The following GCGR variants were observed in gnomAD, a reference collection of about 807,000 sequenced individuals.
The protein encoded by GCGR is glucagon receptor.
A neutral mutation model predicts 56.1 loss-of-function variants in GCGR; 41 were observed. That is an observed-to-expected ratio of 0.73 (90% confidence interval 0.57 to 0.95). GCGR has a LOEUF of 0.95. Ranked by LOEUF, GCGR falls within the 40% of genes least tolerant of loss-of-function variation. The pLI is 0.00. For synonymous variants in GCGR, 278 were observed against 271.1 expected (o/e 1.03, Z -0.25); for missense variants, 595 against 638.2 (o/e 0.93, Z 0.73).
At position 81,811,378 on chromosome 17, in the gene GCGR, C is replaced by T. The variant is rs771972617; in HGVS notation, c.501-26C>T. ...CGGCCGCAGAGGACAGGGAGGAGGA[C>T]GGGCGCTGACTGGCTGTGCCCACAG... On this transcript the variant is annotated intron_variant, in intron 6 of 13. Coordinates refer to ENST00000400723, the MANE Select transcript of GCGR (RefSeq NM_000160.5). The surrounding 1 kb of genome is among the most constrained non-coding windows in gnomAD (Gnocchi z 5.8). 2.8e-5 allele frequency: 43 copies of T among 1,535,726 alleles called. No individual in the cohort carries two copies. Among genetic ancestry groups the T allele is most frequent in the South Asian group, 1.1e-4 (9 of 84,054 alleles).
intron 1 of GCGR, among the ~76,000 whole-genome samples, chr17:81,805,954 G>C (rs994120067): frequency 7.2e-5 from 11 of 152,216 alleles, no homozygotes; most frequent in Non-Finnish European, 1.5e-4. Flanking sequence ...GGGGGTGTCA[G>C]TGTCTCCTCT....
At position 81,810,288 on chromosome 17, in the gene GCGR, G is replaced by T; in HGVS notation, c.163+404G>T. On this transcript the variant is annotated intron_variant, in intron 3 of 13. Coordinates refer to ENST00000400723, the MANE Select transcript of GCGR (RefSeq NM_000160.5). This position sits in a 1 kb window ranked among gnomAD's most constrained non-coding sequence, Gnocchi z 4.6. ...CATGGCCTGGACACTTGGGGTGCAG[G>T]GAGAGGATAGGGCTGGAGGACTCAC... The T allele has an allele frequency of 2.8e-6, 1 of 353,418 alleles. No individual in the cohort carries two copies. The allele number at this position is 353,418 out of a possible 1,614,324, so 21.9% of individuals were successfully genotyped here.
chr17:81,812,047 G>A lies in GCGR; in HGVS notation c.878+101G>A, dbSNP rs1372912692. The A allele has an allele frequency of 5.3e-6, 8 of 1,511,290 alleles. No homozygotes were observed. The highest frequency in any genetic ancestry group is 7.1e-6 in the Non-Finnish European group (8 of 1,125,118). The allele number at this position is 1,511,290 out of a possible 1,614,324, so 93.6% of individuals were successfully genotyped here. Reference sequence around the variant, plus strand: ...GGGCCGGGGATGAGCCTGGTGCCTGGGGAGGGGGTCATTTGTGACCTTCTC... The same window carrying A: ...GGGCCGGGGATGAGCCTGGTGCCTGAGGAGGGGGTCATTTGTGACCTTCTC... On this transcript the variant is annotated intron_variant, in intron 9 of 13. Coordinates refer to ENST00000400723, the MANE Select transcript of GCGR (RefSeq NM_000160.5). The surrounding 1 kb of genome is among the most constrained non-coding windows in gnomAD (Gnocchi z 8.5).
Position 81,813,669 on chromosome 17 carries a change from TTGGC to T in GCGR, c.1417_1420del (p.Ala473ArgfsTer12). ...CCCCTTGGCTGGTGGCCTCCCTAGA[TTGGC>T]TGAGAGCCCCTTCTGAACCCTGCTG... On this transcript the variant is annotated frameshift_variant, in exon 14 of 14. Transcript: ENST00000400723. LOFTEE classifies it high-confidence loss of function. The surrounding 1 kb of genome is among the most constrained non-coding windows in gnomAD (Gnocchi z 5.3). The T allele has an allele frequency of 5.2e-6, 8 of 1,535,412 alleles. No homozygotes were observed. Among genetic ancestry groups the T allele is most frequent in the Non-Finnish European group, 7.0e-6 (8 of 1,146,718 alleles).
At position 81,810,653 on chromosome 17, in the gene GCGR, AG is replaced by A. The variant is rs905591371; in HGVS notation, c.164-170del. Among the ~76,000 whole-genome samples, 1 of 150,196 alleles carries A rather than the reference AG, an allele frequency of 6.7e-6. No homozygotes were observed. The highest frequency in any genetic ancestry group is 2.5e-5 in the African/African-American group (1 of 40,564). On this transcript the variant is annotated intron_variant, in intron 3 of 13. Transcript: ENST00000400723. This position sits in a 1 kb window ranked among gnomAD's most constrained non-coding sequence, Gnocchi z 4.6. ...GTGGATGGTCAGGTGAGGAAGGTGG[AG>A]GTCAGATGGGGGAGGTGGAGGTCAA...
At chr17:81,807,471 C>T (rs1161030317) in intron 1 of GCGR, among the ~76,000 whole-genome samples, 4 of 152,352 alleles carry the variant, frequency 2.6e-5, no homozygotes, top group Non-Finnish European at 1.5e-5. Flanking sequence ...CTCACCCAGC[C>T]GCTACCTGGA....
At position 81,806,575 on chromosome 17, in the gene GCGR, GC is replaced by G. The variant is rs1238585211; in HGVS notation, c.-177-2264del. Among the ~76,000 whole-genome samples, 1 of 152,182 alleles carries G rather than the reference GC, an allele frequency of 6.6e-6. No homozygotes were observed. The highest frequency in any genetic ancestry group is 1.5e-5 in the Non-Finnish European group (1 of 68,022). On this transcript the variant is annotated intron_variant, in intron 1 of 13. Coordinates refer to ENST00000400723, the MANE Select transcript of GCGR (RefSeq NM_000160.5). This position sits in a 1 kb window ranked among gnomAD's most constrained non-coding sequence, Gnocchi z 6.5. ...ACTGGCTGCCCGGCTGGAAGGTGGGGCCCTGGCACGCGAGGACCTCATGTGT... is the reference window on the plus strand; with the variant it reads ...ACTGGCTGCCCGGCTGGAAGGTGGGGCCTGGCACGCGAGGACCTCATGTGT...
chr17:81,813,726 A>T lies in GCGR; in HGVS notation c.*37A>T. 6.6e-7 allele frequency: 1 copy of T among 1,521,532 alleles called. No homozygotes were observed. The highest frequency in any genetic ancestry group is 1.2e-5 in the South Asian group (1 of 83,694). 94.3% of individuals were successfully genotyped at this position (1,521,532 alleles called of 1,614,324 possible). A position where few individuals can be genotyped will look rare whatever the true frequency, so the allele number is the denominator to read the frequency against. ...ACCCCAGCTAGGGCTGGACTCTGGC[A>T]CCCAGAGGGCGTCGCTGGACAACCC... is the stretch of plus-strand genomic sequence containing the variant. On this transcript the variant is annotated 3_prime_UTR_variant, in exon 14 of 14. Transcript: ENST00000400723. This position sits in a 1 kb window ranked among gnomAD's most constrained non-coding sequence, Gnocchi z 5.3.
rs2143141378 is a variant in GCGR at position 81,812,443 on chromosome 17, G to A, written c.949-134G>A. 1.3e-5 allele frequency: 14 copies of A among 1,061,048 alleles called. No homozygotes were observed. The highest frequency in any genetic ancestry group is 3.2e-5 in the African/African-American group (2 of 63,248). 65.7% of individuals were successfully genotyped at this position (1,061,048 alleles called of 1,614,324 possible). On this transcript the variant is annotated intron_variant, in intron 10 of 13. Transcript: ENST00000400723. The surrounding 1 kb of genome is among the most constrained non-coding windows in gnomAD (Gnocchi z 8.5). Reference sequence around the variant, plus strand: ...TTCCTCCCTGGCTGTGTGCCCACCAGCCCCAGGGCTATGTGGCCCAGGGCC... The same window carrying A: ...TTCCTCCCTGGCTGTGTGCCCACCAACCCCAGGGCTATGTGGCCCAGGGCC...
Position 81,810,026 on chromosome 17 carries a change from C to T in GCGR, c.163+142C>T, listed in dbSNP as rs151045413. The T allele has an allele frequency of 4.9e-4, 351 of 717,824 alleles. 1 individual carries two copies. Among genetic ancestry groups the T allele is most frequent in the Middle Eastern group, 2.0e-3 (7 of 3,494 alleles). 44.5% of individuals were successfully genotyped at this position (717,824 alleles called of 1,614,324 possible). A position where few individuals can be genotyped will look rare whatever the true frequency, so the allele number is the denominator to read the frequency against. On this transcript the variant is annotated intron_variant, in intron 3 of 13. Coordinates refer to ENST00000400723, the MANE Select transcript of GCGR (RefSeq NM_000160.5). This position sits in a 1 kb window ranked among gnomAD's most constrained non-coding sequence, Gnocchi z 4.6. ...CTGTCATTCCTCAGGCCCCCACCACCGTGGGCAGGTGAGGTAACGAGGTAA... is the reference window on the plus strand; with the variant it reads ...CTGTCATTCCTCAGGCCCCCACCACTGTGGGCAGGTGAGGTAACGAGGTAA...
Position 81,810,783 on chromosome 17 carries a change from C to CCTGCCCTGCCCTGCT in GCGR, c.164-29_164-15dup. On this transcript the variant is annotated intron_variant, in intron 3 of 13. Transcript: ENST00000400723. The surrounding 1 kb of genome is among the most constrained non-coding windows in gnomAD (Gnocchi z 4.6). ...CTGCTGAGGGAGCCCCTTCTCCCAC[C>CCTGCCCTGCCCTGCT]CTGCCCTGCCCTGCTCTGCCCTGCC... 6.6e-7 allele frequency: 1 copy of CCTGCCCTGCCCTGCT among 1,514,012 alleles called. No homozygotes were observed. The highest frequency in any genetic ancestry group is 8.9e-7 in the Non-Finnish European group (1 of 1,126,432). The allele number at this position is 1,514,012 out of a possible 1,614,324, so 93.8% of individuals were successfully genotyped here. A position where few individuals can be genotyped will look rare whatever the true frequency, so the allele number is the denominator to read the frequency against.
Position 81,813,598 on chromosome 17 carries a change from T to C in GCGR, c.1343T>C (p.Leu448Pro), listed in dbSNP as rs760905204. ...SPGHGPPSKE[L>P]QFGRGGGSQD... ...GGCCACGGCCCTCCCAGCAAGGAGC[T>C]GCAGTTTGGGAGGGGTGGTGGCAGC... The change falls in exon 14 of 14, where the codon CTG becomes CCG. Residue 448 changes from leucine (L) to proline (P), a missense_variant. By Grantham distance (98) the Leu-to-Pro change is moderately conservative. Transcript: ENST00000400723. The surrounding 1 kb of genome is among the most constrained non-coding windows in gnomAD (Gnocchi z 5.3). 1.4e-5 allele frequency: 21 copies of C among 1,536,464 alleles called. No homozygotes were observed. Among genetic ancestry groups the C allele is most frequent in the Non-Finnish European group, 1.6e-5 (18 of 1,146,850 alleles).
At position 81,812,374 on chromosome 17, in the gene GCGR, G is replaced by A. The variant is rs1003930040; in HGVS notation, c.948+122G>A. 2.6e-6 allele frequency: 3 copies of A among 1,164,660 alleles called. No homozygotes were observed. The highest frequency in any genetic ancestry group is 4.2e-5 in the Admixed American group (2 of 47,926). 72.1% of individuals were successfully genotyped at this position (1,164,660 alleles called of 1,614,324 possible). A position where few individuals can be genotyped will look rare whatever the true frequency, so the allele number is the denominator to read the frequency against. On this transcript the variant is annotated intron_variant, in intron 10 of 13. Coordinates refer to ENST00000400723, the MANE Select transcript of GCGR (RefSeq NM_000160.5). The surrounding 1 kb of genome is among the most constrained non-coding windows in gnomAD (Gnocchi z 8.5). ...TGGGAGGGAGCCGGCACCCAGACAGGACACCAGGACACTGGCCAGCACCCT... is the reference window on the plus strand; with the variant it reads ...TGGGAGGGAGCCGGCACCCAGACAGAACACCAGGACACTGGCCAGCACCCT...
chr17:81,811,322 G>T lies in GCGR; in HGVS notation c.494G>T (p.Gly165Val). ...CTCCTCGCCTTGGCCATCCTGGGGG[G>T]CCTCAGGTAGGATTCCGCCAGCGCC... is the stretch of plus-strand genomic sequence containing the variant. ...ALLLALAILGGLSKLHCTRNA... is the reference protein window; with the variant it reads ...ALLLALAILGVLSKLHCTRNA... The change falls in exon 6 of 14, where the codon GGC (glycine) becomes GTC (valine). Residue 165 changes from glycine (G) to valine (V), a missense_variant. By Grantham distance (109) the Gly-to-Val change is moderately radical (BLOSUM62 -3). Coordinates refer to ENST00000400723, the MANE Select transcript of GCGR (RefSeq NM_000160.5). The surrounding 1 kb of genome is among the most constrained non-coding windows in gnomAD (Gnocchi z 5.8). 1.3e-6 allele frequency: 2 copies of T among 1,535,086 alleles called. No individual in the cohort carries two copies. The highest frequency in any genetic ancestry group is 1.7e-6 in the Non-Finnish European group (2 of 1,145,944).
chr17:81,806,457 A>ACCC lies in GCGR; in HGVS notation c.-178+2209_-178+2210insCCC, dbSNP rs1431327452. ...CCAACCTTCTGTTGAGGCTGAGGGG[A>ACCC]CACAGAGCCCCACTCCTGGGTCCTG... is the stretch of plus-strand genomic sequence containing the variant. On this transcript the variant is annotated intron_variant, in intron 1 of 13. Coordinates refer to ENST00000400723, the MANE Select transcript of GCGR (RefSeq NM_000160.5). The surrounding 1 kb of genome is among the most constrained non-coding windows in gnomAD (Gnocchi z 6.5). Among the ~76,000 whole-genome samples the ACCC allele has an allele frequency of 2.6e-5, 4 of 152,072 alleles. No homozygotes were observed. Among genetic ancestry groups the ACCC allele is most frequent in the African/African-American group, 9.7e-5 (4 of 41,416 alleles).
chr17:81,809,647 C>T, intron 2 of GCGR, 135 bp from the exon 3 acceptor site: 1 of 689,352 alleles, frequency 1.5e-6, no homozygotes, highest in Non-Finnish European at 2.5e-6. Flanking sequence ...GTCTGTCTGC[C>T]TGTCTGCCTG....
At position 81,806,906 on chromosome 17, in the gene GCGR, C is replaced by G. The variant is rs532655623; in HGVS notation, c.-177-1936C>G. Among the ~76,000 whole-genome samples the G allele has an allele frequency of 6.6e-6, 1 of 152,164 alleles. No homozygotes were observed. On this transcript the variant is annotated intron_variant, in intron 1 of 13. Transcript: ENST00000400723. The surrounding 1 kb of genome is among the most constrained non-coding windows in gnomAD (Gnocchi z 6.5). ...CCTGCTCCAGCTGCCCCTTGTCCCT[C>G]TCCCCGTCCCCTGCCCAGAGCCCCA...
Position 81,811,884 on chromosome 17 carries a change from A to C in GCGR, c.818-2A>C. Reference sequence around the variant, plus strand: ...TGGGACCACAGCTGCTGCCCCCCACAGGTGCCCCCATGCTGTTCGTCGTCC... The same window carrying C: ...TGGGACCACAGCTGCTGCCCCCCACCGGTGCCCCCATGCTGTTCGTCGTCC... On this transcript the variant is annotated splice_acceptor_variant, in intron 8 of 13. Transcript: ENST00000400723. LOFTEE classifies it high-confidence loss of function. This position sits in a 1 kb window ranked among gnomAD's most constrained non-coding sequence, Gnocchi z 5.8. 2 of 1,537,110 alleles carry C rather than the reference A, an allele frequency of 1.3e-6. No individual in the cohort carries two copies. Among genetic ancestry groups the C allele is most frequent in the East Asian group, 2.4e-5 (1 of 40,918 alleles).
chr17:81,808,302 G>A (rs1049062634), intron 1 of GCGR, among the ~76,000 whole-genome samples: 10 of 152,220 alleles, frequency 6.6e-5, no homozygotes, highest in Admixed American at 6.5e-4. Context: ...TAGGTGAGGA[G>A]GATGGTGAGG....
Sources: gnomAD v4.1 joint callset for allele counts (sites outside exome capture counted in the v4.1 genomes callset) on GRCh38, gnomAD v4.1.1 for gene constraint, Gnocchi (gnomAD v3.1) non-coding constraint, MANE v1.5 for transcripts, NCBI Gene and HGNC (gene_info 2026-07-23, HGNC 2026-07-21) for gene names.